The following TRPC6 variants were observed in gnomAD, a reference collection of about 807,000 sequenced individuals.
TRPC6 encodes short transient receptor potential channel 6.
In TRPC6, 55 loss-of-function variants were observed where a neutral mutation model predicts 90.7. The observed-to-expected ratio is 0.61, with a 90% confidence interval of 0.49 to 0.76. TRPC6 has a LOEUF of 0.76. Among genes scored for constraint, TRPC6 ranks in the 30% least tolerant of loss-of-function variants. The probability of loss-of-function intolerance (pLI) is 0.00; values close to 1 mark genes in which losing one functional copy is unlikely to be tolerated. For missense variants in TRPC6, 989 were observed against 1,122.7 expected, an observed-to-expected ratio of 0.88 and a Z score of 1.70; for synonymous variants, 393 against 393.0, an observed-to-expected ratio of 1.00 and a Z score of 0.00.
chr11:101,573,792 T>C (rs965203192), intron 1 of TRPC6, among the ~76,000 whole-genome samples: 1 of 152,106 alleles, frequency 6.6e-6, no homozygotes, highest in Non-Finnish European at 1.5e-5. Flanking sequence ...TACCGTGACA[T>C]AGTTTTCATC....
intron 1 of TRPC6, among the ~76,000 whole-genome samples, chr11:101,581,130 A>T (rs959556438): frequency 6.6e-6 from 1 of 152,234 alleles, no homozygotes; most frequent in Admixed American, 6.5e-5. Context: ...AGTACCTCTG[A>T]CATCACGCAG....
intron 2 of TRPC6, among the ~76,000 whole-genome samples, chr11:101,492,457 T>C (rs186241881): frequency 3.2e-4 from 48 of 152,078 alleles, no homozygotes; most frequent in African/African-American, 1.1e-3. Flanking sequence ...TGGGGATGTG[T>C]GCCTGTCAAG....
chr11:101,499,607 GTA>G (rs1364313131), intron 2 of TRPC6, among the ~76,000 whole-genome samples: 5 of 62,654 alleles, frequency 8.0e-5, no homozygotes, highest in African/African-American at 1.6e-4. Context: ...CGTATATATG[GTA>G]TATATATATA....
chr11:101,583,073 T>C (rs1269823738), intron 1 of TRPC6: 8 of 677,576 alleles, frequency 1.2e-5, no homozygotes, highest in African/African-American at 3.9e-5. Context: ...GTGGTGTTAC[T>C]ATGCGGTCTC....
Position 101,483,111 on chromosome 11 carries a change from A to G in TRPC6, c.1348T>C (p.Phe450Leu). ...FMKFVAHAAS[F>L]TIFLGLLVMN... Reference sequence around the variant, plus strand: ...ACTAGCAGTCCCAGAAAAATGGTGAAGGAGGCTGCGTGTGCTACAAACTTC... The same window carrying G: ...ACTAGCAGTCCCAGAAAAATGGTGAGGGAGGCTGCGTGTGCTACAAACTTC... The change falls in exon 5 of 13, where the codon TTC becomes CTC. Residue 450 changes from phenylalanine to leucine, a missense_variant. Phe to Leu is a conservative substitution (Grantham distance 22). Transcript: ENST00000344327. 2 of 1,614,080 alleles carry G rather than the reference A, an allele frequency of 1.2e-6. No individual in the cohort carries two copies. Among genetic ancestry groups the G allele is most frequent in the South Asian group, 2.2e-5 (2 of 91,086 alleles).
intron 1 of TRPC6, among the ~76,000 whole-genome samples, chr11:101,526,995 T>A (rs1860796573): frequency 6.8e-6 from 1 of 147,826 alleles, no homozygotes. Context: ...ACTGTATACA[T>A]AAATGTTTAA....
chr11:101,488,581 T>G (rs949102253), intron 4 of TRPC6, among the ~76,000 whole-genome samples: 2 of 152,240 alleles, frequency 1.3e-5, no homozygotes, highest in African/African-American at 4.8e-5. Flanking sequence ...TCAATGGTAC[T>G]ATGACCTCAT....
In TRPC6 at chr11:101,583,790, G is replaced by A; in HGVS notation, c.-287C>T. The A allele has an allele frequency of 5.5e-6, 2 of 360,824 alleles. No individual in the cohort carries two copies. Among genetic ancestry groups the A allele is most frequent in the South Asian group, 1.2e-4 (1 of 8,094 alleles). The allele number at this position is 360,824 out of a possible 1,614,324, so 22.4% of individuals were successfully genotyped here. ...GCGTCTGGGGCGCCCGGGCAGAGAG[G>A]GCACAGGCGGGGCCGCTGGTGGTAG... On this transcript the variant is annotated 5_prime_UTR_variant, in exon 1 of 13. Transcript: ENST00000344327.
chr11:101,483,589 A>C (rs2136691831), intron 4 of TRPC6, among the ~76,000 whole-genome samples: 1 of 152,204 alleles, frequency 6.6e-6, no homozygotes, highest in Non-Finnish European at 1.5e-5. Flanking sequence ...CCTCACATAT[A>C]CTTCATTGAC....
intron 1 of TRPC6, among the ~76,000 whole-genome samples, chr11:101,528,980 G>A (rs1860847969): frequency 6.6e-6 from 1 of 151,952 alleles, no homozygotes; most frequent in African/African-American, 2.4e-5. Flanking sequence ...GCAAGCAGGA[G>A]ACATGAACAG....
intron 10 of TRPC6, among the ~76,000 whole-genome samples, chr11:101,459,885 G>A (rs1390597089): frequency 6.6e-6 from 1 of 152,144 alleles, no homozygotes; most frequent in East Asian, 1.9e-4. Flanking sequence ...TTTGCGTAGT[G>A]TTTACGATTT....
At chr11:101,467,293 G>A (rs1465935595) in intron 10 of TRPC6, among the ~76,000 whole-genome samples, 1 of 151,804 alleles carries the variant, frequency 6.6e-6, no homozygotes, top group African/African-American at 2.4e-5. Context: ...AGGGCTTTTA[G>A]GCCTAGTATT....
At chr11:101,529,472 T>C (rs1860858912) in intron 1 of TRPC6, among the ~76,000 whole-genome samples, 1 of 152,220 alleles carries the variant, frequency 6.6e-6, no homozygotes, top group Admixed American at 6.5e-5. Flanking sequence ...AACTAGGACT[T>C]CGGACATACA....
In TRPC6 at chr11:101,472,259, A is replaced by G. The variant is rs1221190635; in HGVS notation, c.2083T>C (p.Tyr695His). 1 of 1,613,262 alleles carries G rather than the reference A, an allele frequency of 6.2e-7. No homozygotes were observed. The highest frequency in any genetic ancestry group is 8.5e-7 in the Non-Finnish European group (1 of 1,179,526). Residue 695 changes from tyrosine to histidine, a missense_variant, in exon 8 of 13, where the codon TAT (tyrosine) becomes CAT (histidine). Transcript: ENST00000344327. ...LSEVKSVVIN[Y>H]NHKFIENIGY... ...ATGTTTTCAATGAATTTGTGGTTAT[A>G]GTTGATGACCACTGATTTCACTTCA...
chr11:101,546,938 TAAGC>T (rs934721062), intron 1 of TRPC6, among the ~76,000 whole-genome samples: 2 of 152,006 alleles, frequency 1.3e-5, no homozygotes, highest in Non-Finnish European at 2.9e-5. Flanking sequence ...GTGAACAAAA[TAAGC>T]AAGAAATAAA....
At chr11:101,570,592 T>A (rs1481994719) in intron 1 of TRPC6, among the ~76,000 whole-genome samples, 1 of 152,110 alleles carries the variant, frequency 6.6e-6, no homozygotes, top group East Asian at 1.9e-4. Context: ...CAGGCCAATA[T>A]CTCTGATGAA....
rs1160376536 is a variant in TRPC6, at chr11:101,451,647, T to C, written c.*1308A>G. On this transcript the variant is annotated 3_prime_UTR_variant, in exon 13 of 13. Coordinates refer to ENST00000344327, the MANE Select transcript of TRPC6 (RefSeq NM_004621.6). ...AATACAAAATCACTGAATATAAATTTTCAGCTGTATTTTCTGATCTGGTTA... is the reference window on the plus strand; with the variant it reads ...AATACAAAATCACTGAATATAAATTCTCAGCTGTATTTTCTGATCTGGTTA... 1.3e-5 allele frequency: 2 copies of C among 152,220 alleles called. No individual in the cohort carries two copies. Among genetic ancestry groups the C allele is most frequent in the East Asian group, 3.8e-4 (2 of 5,200 alleles). The allele number at this position is 152,220 out of a possible 1,614,324, so 9.4% of individuals were successfully genotyped here.
intron 1 of TRPC6, among the ~76,000 whole-genome samples, chr11:101,554,641 A>C (rs11224851): frequency 0.1 from 15,624 of 152,154 alleles, 912 homozygotes; most frequent in Middle Eastern, 0.14. Flanking sequence ...ATCAAGTTAT[A>C]AGCCTCACTA....
intron 1 of TRPC6, among the ~76,000 whole-genome samples, chr11:101,526,539 G>C (rs1860783263): frequency 6.6e-6 from 1 of 151,996 alleles, no homozygotes; most frequent in South Asian, 2.1e-4. Context: ...ATCCTTTCCA[G>C]AATTTTCTGA....
Sources: gnomAD v4.1 joint callset for allele counts (sites outside exome capture counted in the v4.1 genomes callset) on GRCh38, gnomAD v4.1.1 for gene constraint, MANE v1.5 for transcripts, NCBI Gene and HGNC (gene_info 2026-07-23, HGNC 2026-07-21) for gene names.